Variants in SLC25A18 observed in about 807,000 individuals in gnomAD.
SLC25A18 encodes mitochondrial glutamate carrier 2.
A neutral mutation model predicts 31.1 loss-of-function variants in SLC25A18; 24 were observed. The observed-to-expected ratio is 0.77, with a 90% CI of 0.56 to 1.08. The LOEUF is 1.08. Among genes scored for constraint, SLC25A18 ranks in the 50% least tolerant of loss-of-function variants. The pLI is 0.00. For synonymous variants in SLC25A18, 173 were observed against 161.9 expected (o/e 1.07, Z -0.52); for missense variants, 371 against 418.5 (o/e 0.89, Z 0.99).
intron 7 of SLC25A18, among the ~76,000 whole-genome samples, chr22:17,586,731 A>G (rs2057559474): frequency 6.6e-6 from 1 of 152,254 alleles, no homozygotes; most frequent in Non-Finnish European, 1.5e-5. Flanking sequence ...GTGAGCCGAG[A>G]TCGCACCACT....
Position 17,574,830 on chromosome 22 carries a change from TTTATTA to T in SLC25A18, c.-201+4862_-201+4867del, listed in dbSNP as rs139929656. Among the ~76,000 whole-genome samples, 870 of 137,852 alleles carry T rather than the reference TTTATTA, an allele frequency of 6.3e-3. 34 individuals carry two copies. Among genetic ancestry groups the T allele is most frequent in the African/African-American group, 0.024 (821 of 34,896 alleles). The allele number at this position is 137,852 out of a possible 152,430, so 90.4% of individuals were successfully genotyped here. ...GCCACTGTGCCTGGCCAATGTTCCC[TTTATTA>T]TTATTATTATTATTATTTATATATG... On this transcript the variant is annotated intron_variant, in intron 2 of 10. Transcript: ENST00000327451.
At chr22:17,586,871 G>A (rs776964846) in intron 7 of SLC25A18, among the ~76,000 whole-genome samples, 4 of 152,204 alleles carry the variant, frequency 2.6e-5, no homozygotes, top group African/African-American at 7.2e-5. Flanking sequence ...GGAACGTGGC[G>A]GAGAAGCAAG....
At chr22:17,584,469 G>GAGAAAGAA (rs1024411994) in intron 7 of SLC25A18, among the ~76,000 whole-genome samples, 33 of 121,624 alleles carry the variant, frequency 2.7e-4, no homozygotes, top group Middle Eastern at 5.4e-3. Context: ...GAGAGAGAGA[G>GAGAAAGAA]AGAAAGAAAG....
chr22:17,582,789 T>G, intron 6 of SLC25A18, 136 bp downstream of exon 6: 1 of 763,946 alleles, frequency 1.3e-6, no homozygotes, highest in Non-Finnish European at 2.1e-6. Context: ...TGAGGGCTGG[T>G]GTGTGTTTGG....
At chr22:17,575,990 C>T (rs1178042476) in intron 2 of SLC25A18, among the ~76,000 whole-genome samples, 1 of 152,100 alleles carries the variant, frequency 6.6e-6, no homozygotes, top group Non-Finnish European at 1.5e-5. Flanking sequence ...TCTCATTGTT[C>T]TGCATCCCAG....
intron 5 of SLC25A18, 59 bp downstream of exon 5, chr22:17,581,472 G>T (rs2057372442): frequency 6.3e-7 from 1 of 1,587,472 alleles, no homozygotes; most frequent in African/African-American, 1.3e-5. Context: ...TGGGACATGG[G>T]GAACTGGTGT....
At chr22:17,569,880 A>G (rs2057042165) in intron 1 of SLC25A18, 44 bp from the exon 2 acceptor site, 24 of 985,462 alleles carry the variant, frequency 2.4e-5, no homozygotes, top group Non-Finnish European at 2.9e-5. Flanking sequence ...AGAAGGGAAA[A>G]CCAGTCCAAG....
chr22:17,576,937 G>A (rs950501296), intron 2 of SLC25A18, among the ~76,000 whole-genome samples: 9 of 152,180 alleles, frequency 5.9e-5, no homozygotes, highest in Non-Finnish European at 1.0e-4. Context: ...TTGGCTCACT[G>A]CAACCTCCGC....
At chr22:17,580,577 T>A (rs1601312952) in intron 3 of SLC25A18, 1 of 991,800 alleles carries the variant, frequency 1.0e-6, no homozygotes. Context: ...GTTTCCATAG[T>A]CCTCAGCAAC....
Position 17,588,212 on chromosome 22 carries a change from T to C in SLC25A18, c.730+133T>C, listed in dbSNP as rs8137960. On this transcript the variant is annotated intron_variant, in intron 9 of 10. Transcript: ENST00000327451. ...GGCGGAGGCTCACTAGAGGCCCTCATGGAGAAAGTGGGTCCCAAGAGACCT... is the reference window on the plus strand; with the variant it reads ...GGCGGAGGCTCACTAGAGGCCCTCACGGAGAAAGTGGGTCCCAAGAGACCT... 24,248 of 978,858 alleles carry C rather than the reference T, an allele frequency of 0.025. 3,969 individuals carry two copies. In the African/African-American group the frequency reaches 0.36, roughly 14 times the overall value. The allele number at this position is 978,858 out of a possible 1,614,324, so 60.6% of individuals were successfully genotyped here. A position where few individuals can be genotyped will look rare whatever the true frequency, so the allele number is the denominator to read the frequency against.
At chr22:17,575,196 G>A (rs1307322911) in intron 2 of SLC25A18, among the ~76,000 whole-genome samples, 1 of 152,126 alleles carries the variant, frequency 6.6e-6, no homozygotes, top group Non-Finnish European at 1.5e-5. Context: ...AGCCCTTAGT[G>A]ACTCTGCACA....
intron 2 of SLC25A18, among the ~76,000 whole-genome samples, chr22:17,574,663 C>T (rs1326030838): frequency 2.0e-5 from 3 of 148,242 alleles, no homozygotes; most frequent in South Asian, 2.1e-4. Flanking sequence ...ATTACAGGCA[C>T]GTGCCATCAC....
chr22:17,563,945 G>A (rs932944292), intron 1 of SLC25A18, among the ~76,000 whole-genome samples: 26 of 152,294 alleles, frequency 1.7e-4, no homozygotes, highest in Admixed American at 2.6e-4. Context: ...CAATCGTACC[G>A]GGAGGGTGGA....
At chr22:17,571,220 A>T (rs1255119622) in intron 2 of SLC25A18, among the ~76,000 whole-genome samples, 1 of 152,172 alleles carries the variant, frequency 6.6e-6, no homozygotes, top group Non-Finnish European at 1.5e-5. Context: ...ACAAGGCTGA[A>T]GGCAAGGAGC....
rs759649909 is a variant in SLC25A18, at chr22:17,590,288, C to T, written c.*52C>T. The T allele has an allele frequency of 6.2e-7, 1 of 1,611,294 alleles. No individual in the cohort carries two copies. Among genetic ancestry groups the T allele is most frequent in the South Asian group, 1.1e-5 (1 of 90,778 alleles). On this transcript the variant is annotated 3_prime_UTR_variant, in exon 11 of 11. Coordinates refer to ENST00000327451, the MANE Select transcript of SLC25A18 (RefSeq NM_031481.3). The stretch of plus-strand genomic sequence containing the variant: ...CTTGCCGCCCTCTCTCTAGCTGTTT[C>T]ACTTAGCCTAGAGGGGGCAAGGGCA...
intron 7 of SLC25A18, chr22:17,583,983 C>A: frequency 1.2e-6 from 1 of 846,608 alleles, no homozygotes; most frequent in Non-Finnish European, 1.4e-6. Context: ...CCCATTTCAT[C>A]AATGCTGCCA....
At chr22:17,568,931 T>C (rs992758006) in intron 1 of SLC25A18, among the ~76,000 whole-genome samples, 4 of 152,084 alleles carry the variant, frequency 2.6e-5, no homozygotes, top group African/African-American at 9.7e-5. Flanking sequence ...GGTCTTTGAA[T>C]AAATTTTGCT....
intron 9 of SLC25A18, chr22:17,588,417 C>CT: frequency 3.9e-6 from 1 of 258,622 alleles, no homozygotes; most frequent in Non-Finnish European, 7.4e-6. Flanking sequence ...GAGCCCAGCA[C>CT]TTTTGGATCA....
At chr22:17,565,525 C>G (rs577262801) in intron 1 of SLC25A18, among the ~76,000 whole-genome samples, 86 of 152,168 alleles carry the variant, frequency 5.7e-4, no homozygotes, top group African/African-American at 2.0e-3. Context: ...AGACACACAC[C>G]GCAGCGCCTG....
Sources: allele counts gnomAD v4.1 joint callset (sites outside exome capture counted in the v4.1 genomes callset), GRCh38; gene constraint gnomAD v4.1.1; transcripts MANE v1.5; gene names NCBI Gene and HGNC (gene_info 2026-07-23, HGNC 2026-07-21).